Variants in WDR11 observed in about 807,000 individuals in gnomAD.
The protein encoded by WDR11 is WD repeat domain 11, also known as WD repeat-containing protein 11.
A neutral mutation model predicts 151.2 loss-of-function variants in WDR11; 83 were observed. That is an observed-to-expected ratio of 0.55 (90% CI 0.46 to 0.66). WDR11 has a LOEUF of 0.66. WDR11 is among the 30% of genes least tolerant of loss of function. WDR11 has a pLI of 0.00. For synonymous variants in WDR11, 484 were observed against 533.1 expected (o/e 0.91, Z 1.27); for missense variants, 1,301 against 1,480.9 (o/e 0.88, Z 1.99).
chr10:120,898,245 T>C (rs913405098), intron 19 of WDR11, among the ~76,000 whole-genome samples: 2 of 152,230 alleles, frequency 1.3e-5, no homozygotes, highest in African/African-American at 2.4e-5. Flanking sequence ...TTTACATTTA[T>C]TGTAAAATGA....
chr10:120,866,873 T>C, intron 8 of WDR11, 109 bp downstream of exon 8: 1 of 1,309,590 alleles, frequency 7.6e-7, no homozygotes, highest in Non-Finnish European at 1.1e-6. Context: ...AAAAATATTT[T>C]TAAGGTAATA....
rs1225595718 is a variant in WDR11 at position 120,867,070 on chromosome 10, T to A, written c.1195T>A (p.Ser399Thr). ...CTAATTATTATGTCTTTGCAGTAGT[T>A]CTGGTGTGTCACCTTTATATTCACC... ...VCNRNSRNSSSGVSPLYSPVS... is the reference protein window; with the variant it reads ...VCNRNSRNSSTGVSPLYSPVS... Residue 399 changes from serine (S) to threonine (T), a missense_variant, in exon 9 of 29, where the codon TCT (serine) becomes ACT (threonine). Ser to Thr is a moderately conservative substitution (Grantham distance 58). Transcript: ENST00000263461. 4 of 1,612,090 alleles carry A rather than the reference T, an allele frequency of 2.5e-6. No homozygotes were observed. The highest frequency in any genetic ancestry group is 2.7e-5 in the African/African-American group (2 of 74,904).
At chr10:120,861,208 C>T (rs1846124200) in intron 4 of WDR11, among the ~76,000 whole-genome samples, 1 of 152,158 alleles carries the variant, frequency 6.6e-6, no homozygotes, top group Non-Finnish European at 1.5e-5. Context: ...AATTGTTTTA[C>T]CCATCAACTT....
At chr10:120,900,191 C>T in intron 20 of WDR11, 54 bp downstream of exon 20, 9 of 1,451,746 alleles carry the variant, frequency 6.2e-6, no homozygotes, top group Non-Finnish European at 8.7e-6. Flanking sequence ...TTGAAAGACA[C>T]CCATGAAAGT....
At chr10:120,861,724 G>A (rs983889022) in intron 4 of WDR11, among the ~76,000 whole-genome samples, 9 of 152,126 alleles carry the variant, frequency 5.9e-5, no homozygotes, top group Admixed American at 5.2e-4. Flanking sequence ...CCTTGCTAAG[G>A]GCTGGGACCC....
chr10:120,859,405 C>A (rs952955193), intron 3 of WDR11, among the ~76,000 whole-genome samples: 1 of 151,406 alleles, frequency 6.6e-6, no homozygotes, highest in African/African-American at 2.4e-5. Flanking sequence ...GTAGCTGGGA[C>A]CACAGGCACA....
chr10:120,908,625 C>T lies in WDR11; in HGVS notation c.3587C>T (p.Ala1196Val). ...AAGAACCTCGGTTTTAAGCAGGGAGCAGTTCTCTTTGCTTCAAAAGCCGGA... is the reference window on the plus strand; with the variant it reads ...AAGAACCTCGGTTTTAAGCAGGGAGTAGTTCTCTTTGCTTCAAAAGCCGGA... ...SLKNLGFKQG[A>V]VLFASKAGAA... Residue 1196 changes from alanine (A) to valine (V), a missense_variant, in exon 29 of 29, where the codon GCA becomes GTA. Around this residue, in one of 3 missense-constraint regions of WDR11, gnomAD observed 589 missense variants for 670.6 expected, o/e 0.88. Coordinates refer to ENST00000263461, the MANE Select transcript of WDR11 (RefSeq NM_018117.12). 2.5e-6 allele frequency: 4 copies of T among 1,614,124 alleles called. No individual in the cohort carries two copies. The South Asian group carries it at 3.3e-5, about 13-fold the overall frequency.
chr10:120,905,993 T>A lies in WDR11; in HGVS notation c.3409T>A (p.Phe1137Ile). 1 of 1,613,940 alleles carries A rather than the reference T, an allele frequency of 6.2e-7. No individual in the cohort carries two copies. Among genetic ancestry groups the A allele is most frequent in the Non-Finnish European group, 8.5e-7 (1 of 1,180,012 alleles). The change falls in exon 27 of 29, where the codon TTT (phenylalanine) becomes ATT (isoleucine). Residue 1137 changes from phenylalanine to isoleucine, a missense_variant. By Grantham distance (21) the Phe-to-Ile change is conservative. Around this residue, in one of 3 missense-constraint regions of WDR11, gnomAD observed 589 missense variants for 670.6 expected, o/e 0.88. Coordinates refer to ENST00000263461, the MANE Select transcript of WDR11 (RefSeq NM_018117.12). ...CCTGGTTCTCCTCTCTCTGGGCTGC[T>A]TTTTTAGCGTGGCAGAGACGCTTCA... The part of the protein sequence containing the change: ...ALLVLLSLGC[F>I]FSVAETLHSM...
chr10:120,899,861 C>A, intron 19 of WDR11, 168 bp from the exon 20 acceptor site: 1 of 635,680 alleles, frequency 1.6e-6, no homozygotes, highest in Non-Finnish European at 2.8e-6. Context: ...GAGACTCTCT[C>A]TGCTCTTGGC....
intron 2 of WDR11, among the ~76,000 whole-genome samples, chr10:120,854,338 C>T (rs750044225): frequency 1.1e-4 from 16 of 152,102 alleles, no homozygotes; most frequent in African/African-American, 3.1e-4. Flanking sequence ...GGTTCATCTG[C>T]GTTGTAGCAT....
chr10:120,869,785 T>TTTTTATTTTA (rs144533860), intron 9 of WDR11, among the ~76,000 whole-genome samples: 1 of 150,928 alleles, frequency 6.6e-6, no homozygotes, highest in African/African-American at 2.4e-5. Flanking sequence ...TATTTCATCT[T>TTTTTATTTTA]TTTTATTTTA....
Position 120,862,485 on chromosome 10 carries a change from A to G in WDR11, c.527-250A>G, listed in dbSNP as rs548718454. 33 of 380,428 alleles carry G rather than the reference A, an allele frequency of 8.7e-5. 1 individual carries two copies. In the South Asian group the frequency reaches 1.2e-3, roughly 14 times the overall value. The allele number at this position is 380,428 out of a possible 1,614,324, so 23.6% of individuals were successfully genotyped here. On this transcript the variant is annotated intron_variant, in intron 4 of 28. Coordinates refer to ENST00000263461, the MANE Select transcript of WDR11 (RefSeq NM_018117.12). The stretch of plus-strand genomic sequence containing the variant: ...GAACAAACACTTGTTCTTTCTGCCA[A>G]TAACCTTATGTTATCTTTTTAATAT...
chr10:120,874,216 TGTTTTG>T (rs1846671412), intron 11 of WDR11, among the ~76,000 whole-genome samples: 1 of 126,998 alleles, frequency 7.9e-6, no homozygotes, highest in East Asian at 2.0e-4. Flanking sequence ...TTGTTTGTTT[TGTTTTG>T]TTTTGTTTTT....
intron 9 of WDR11, among the ~76,000 whole-genome samples, chr10:120,869,467 A>G (rs1420754562): frequency 1.3e-5 from 2 of 149,666 alleles, no homozygotes; most frequent in Admixed American, 6.7e-5. Context: ...GTTCTTGACA[A>G]TGTAGTTGAT....
At chr10:120,890,669 G>C (rs1187677011) in intron 18 of WDR11, 47 bp from the exon 19 acceptor site, 1 of 1,610,266 alleles carries the variant, frequency 6.2e-7, no homozygotes, top group Admixed American at 1.7e-5. Context: ...GAATAATAAA[G>C]ATCTTCCTTT....
chr10:120,907,561 T>TTC (rs1364226059), intron 28 of WDR11: 3 of 151,542 alleles, frequency 2.0e-5, no homozygotes, highest in Non-Finnish European at 4.4e-5. Flanking sequence ...AGGTACTTGG[T>TTC]TCTCTCTCTC....
intron 20 of WDR11, 131 bp from the exon 21 acceptor site, chr10:120,900,905 T>C (rs1216870213): frequency 5.8e-6 from 4 of 691,988 alleles, no homozygotes; most frequent in African/African-American, 3.6e-5. Context: ...GTTATTTTGG[T>C]CTATAACCAG....
rs66873217 is a variant in WDR11 at position 120,874,176 on chromosome 10, G to GTTTTTTTTTTTTTT, written c.1556+256_1556+269dup. On this transcript the variant is annotated intron_variant, in intron 11 of 28. Transcript: ENST00000263461. The stretch of plus-strand genomic sequence containing the variant: ...TGCAAAAGTAATTGCGGTTTTTGCA[G>GTTTTTTTTTTTTTT]TTTTTTTTTTTTTTTTGTTGTTGTT... 6.4e-4 allele frequency among the ~76,000 whole-genome samples: 53 copies of GTTTTTTTTTTTTTT among 83,456 alleles called. 2 individuals are homozygous for GTTTTTTTTTTTTTT. Among genetic ancestry groups the GTTTTTTTTTTTTTT allele is most frequent in the East Asian group, 1.6e-3 (5 of 3,056 alleles). The allele number at this position is 83,456 out of a possible 152,430, so 54.8% of individuals were successfully genotyped here. A position where few individuals can be genotyped will look rare whatever the true frequency, so the allele number is the denominator to read the frequency against.
intron 2 of WDR11, among the ~76,000 whole-genome samples, chr10:120,853,685 G>T (rs969346659): frequency 3.3e-5 from 5 of 152,174 alleles, no homozygotes; most frequent in African/African-American, 9.7e-5. Context: ...TCATTTAGGA[G>T]ATTTCTGCAG....
Sources: allele counts gnomAD v4.1 joint callset (sites outside exome capture counted in the v4.1 genomes callset), GRCh38; gene constraint gnomAD v4.1.1; regional missense constraint gnomAD v4.1.1; transcripts MANE v1.5; gene names NCBI Gene and HGNC (gene_info 2026-07-23, HGNC 2026-07-21).